Variants in PDXDC1 observed in about 807,000 individuals in gnomAD.
PDXDC1 encodes the protein pyridoxal dependent decarboxylase domain containing 1.
PDXDC1 carries 42 observed loss-of-function variants against 100.1 expected under a neutral mutation model. That is an observed-to-expected ratio of 0.42 (90% confidence interval 0.33 to 0.54). The LOEUF (loss-of-function observed/expected upper bound fraction) is 0.54. PDXDC1 is among the 20% of genes least tolerant of loss of function. The pLI is 0.10. For synonymous variants in PDXDC1, 260 were observed against 371.7 expected (o/e 0.70, Z 3.46); for missense variants, 636 against 979.2 (o/e 0.65, Z 4.68).
intron 16 of PDXDC1, chr16:15,044,474 G>T: frequency 9.8e-7 from 1 of 1,022,158 alleles, no homozygotes; most frequent in Non-Finnish European, 1.5e-6. Flanking sequence ...GTCTCACTTT[G>T]AACTTTCATT....
In PDXDC1 at chr16:15,021,087, A is replaced by G. The variant is rs530909030; in HGVS notation, c.1090-1617A>G. Among the ~76,000 whole-genome samples the G allele has an allele frequency of 1.6e-4, 25 of 151,698 alleles. No homozygotes were observed. In the South Asian group the frequency reaches 5.2e-3, roughly 32 times the overall value. On this transcript the variant is annotated intron_variant, in intron 12 of 22. Transcript: ENST00000396410. ...TTAGGATAGTTCAACAGTTTTAAGT[A>G]TGCTCTGGGCTGGGTGCAGTGGCTC...
At chr16:14,982,006 T>C (rs1968108218) in intron 1 of PDXDC1, among the ~76,000 whole-genome samples, 1 of 152,274 alleles carries the variant, frequency 6.6e-6, no homozygotes. Flanking sequence ...TTTTTTGTAT[T>C]TTTAGTAGAG....
At chr16:14,977,906 C>G (rs1967058687) in intron 1 of PDXDC1, among the ~76,000 whole-genome samples, 1 of 152,254 alleles carries the variant, frequency 6.6e-6, no homozygotes. Flanking sequence ...TGATGCTCAC[C>G]CTCTAAAATT....
At chr16:15,014,814 T>A (rs1163993100) in intron 8 of PDXDC1, among the ~76,000 whole-genome samples, 2 of 152,288 alleles carry the variant, frequency 1.3e-5, no homozygotes, top group Non-Finnish European at 2.9e-5. Flanking sequence ...CCCAGCAAAA[T>A]CTGTAGTGCA....
chr16:15,011,767 G>A (rs1471278639), intron 8 of PDXDC1, among the ~76,000 whole-genome samples: 17 of 152,194 alleles, frequency 1.1e-4, no homozygotes, highest in East Asian at 7.7e-4. Flanking sequence ...AGGTTCAAGC[G>A]ATTCGCCTGC....
chr16:14,998,370 C>T lies in PDXDC1; in HGVS notation c.126C>T (p.Leu42=), dbSNP rs142573123. 1.8e-4 allele frequency: 296 copies of T among 1,613,198 alleles called. No individual in the cohort carries two copies. The African/African-American group carries it at 3.2e-3, about 18-fold the overall frequency. The change falls in exon 3 of 23, where the codon CTC becomes CTT. Residue 42 remains leucine (L), a synonymous_variant. Coordinates refer to ENST00000396410, the MANE Select transcript of PDXDC1 (RefSeq NM_015027.4). The part of the protein sequence containing the change: ...RRTEEENGKK[L]ISGDIPGPLQ... Reference sequence around the variant, plus strand: ...CAGAAGAGGAAAATGGAAAGAAGCTCATATCCGGAGATATTCCAGGCCCAC... The same window carrying T: ...CAGAAGAGGAAAATGGAAAGAAGCTTATATCCGGAGATATTCCAGGCCCAC...
intron 13 of PDXDC1, among the ~76,000 whole-genome samples, chr16:15,024,814 C>T (rs918717635): frequency 2.0e-5 from 3 of 152,294 alleles, no homozygotes; most frequent in Admixed American, 6.5e-5. Flanking sequence ...AAGATCATCT[C>T]CCACCGTCAG....
At chr16:15,123,882 G>A (rs1295494289) in intron 16 of PDXDC1, among the ~76,000 whole-genome samples, 1 of 143,106 alleles carries the variant, frequency 7.0e-6, no homozygotes, top group Non-Finnish European at 1.5e-5. Flanking sequence ...TCTGGCCTGG[G>A]AATTCCTCTT....
chr16:15,044,408 CT>C, intron 16 of PDXDC1: 1 of 1,611,614 alleles, frequency 6.2e-7, no homozygotes, highest in East Asian at 2.2e-5. Context: ...TACTTCCAGC[CT>C]GGCAAAGAGA....
intron 16 of PDXDC1, chr16:15,061,503 A>G (rs1020825098): frequency 2.5e-6 from 1 of 403,174 alleles, no homozygotes; most frequent in Non-Finnish European, 4.4e-6. Flanking sequence ...CAAATGTATC[A>G]TCAACCCCAC....
intron 18 of PDXDC1, 71 bp downstream of exon 18, chr16:15,033,050 G>A (rs1421533385): frequency 9.2e-7 from 1 of 1,081,268 alleles, no homozygotes; most frequent in South Asian, 1.3e-5. Flanking sequence ...GAAGACGACG[G>A]CTCATCCCTT....
In PDXDC1 at chr16:14,993,344, C is replaced by CATGT. The variant is rs560232888; in HGVS notation, c.22-4406_22-4403dup. Among the ~76,000 whole-genome samples the CATGT allele has an allele frequency of 6.1e-5, 9 of 147,444 alleles. No homozygotes were observed. The South Asian group carries it at 2.0e-3, about 32-fold the overall frequency. On this transcript the variant is annotated intron_variant, in intron 1 of 22. Coordinates refer to ENST00000396410, the MANE Select transcript of PDXDC1 (RefSeq NM_015027.4). Reference sequence around the variant, plus strand: ...TGTATGATGTTCCCCTTCCTGTGTCCATGTATTCTCATTGTTCATTTCCCA... The same window carrying CATGT: ...TGTATGATGTTCCCCTTCCTGTGTCCATGTATGTATTCTCATTGTTCATTTCCCA...
intron 1 of PDXDC1, among the ~76,000 whole-genome samples, chr16:14,991,288 TGTGTGTGTGTGTG>T (rs1970750681): frequency 6.7e-6 from 1 of 148,976 alleles, no homozygotes; most frequent in Non-Finnish European, 1.5e-5. Flanking sequence ...TGTGTGTGTG[TGTGTGTGTGTGTG>T]TGTGTATTTG....
At chr16:14,983,645 A>T (rs1329809139) in intron 1 of PDXDC1, among the ~76,000 whole-genome samples, 6 of 149,494 alleles carry the variant, frequency 4.0e-5, no homozygotes, top group Admixed American at 4.0e-4. Flanking sequence ...AACAGCAGTT[A>T]TTCATGTCAG....
chr16:15,145,990 G>A, the PDXDC1 span, among the ~76,000 whole-genome samples: 3 of 152,220 alleles, frequency 2.0e-5, no homozygotes, highest in African/African-American at 7.2e-5. Flanking sequence ...TCTCCCCCAC[G>A]AGCAGGGGGA....
intron 2 of PDXDC1, among the ~76,000 whole-genome samples, 198 bp downstream of exon 2, chr16:14,998,024 C>G (rs1188414284): frequency 6.6e-6 from 1 of 152,276 alleles, no homozygotes; most frequent in Non-Finnish European, 1.5e-5. Context: ...AAGACTTATA[C>G]TATTTAATTC....
Position 15,037,664 on chromosome 16 carries a change from C to G in PDXDC1, c.*1389C>G, listed in dbSNP as rs1719608014. 1 of 169,774 alleles carries G rather than the reference C, an allele frequency of 5.9e-6. No individual in the cohort carries two copies. The highest frequency in any genetic ancestry group is 2.4e-5 in the African/African-American group (1 of 42,100). 10.5% of individuals were successfully genotyped at this position (169,774 alleles called of 1,614,324 possible). Reference sequence around the variant, plus strand: ...TGAGATATTATTTGAATGTTGGTTTCAATAAAGGTTCTTGAAATTGTTACC... The same window carrying G: ...TGAGATATTATTTGAATGTTGGTTTGAATAAAGGTTCTTGAAATTGTTACC... On this transcript the variant is annotated 3_prime_UTR_variant, in exon 23 of 23. Coordinates refer to ENST00000396410, the MANE Select transcript of PDXDC1 (RefSeq NM_015027.4).
chr16:15,034,425 A>G (rs1427414105), intron 20 of PDXDC1, 32 bp from the exon 21 acceptor site: 5 of 1,613,356 alleles, frequency 3.1e-6, no homozygotes, highest in Non-Finnish European at 4.2e-6. Flanking sequence ...CCGTGAGGCC[A>G]GGTGGCCCTG....
intron 18 of PDXDC1, 67 bp downstream of exon 18, chr16:15,033,046 G>T: frequency 9.1e-7 from 1 of 1,100,826 alleles, no homozygotes; most frequent in South Asian, 1.3e-5. Context: ...CTTTGAAGAC[G>T]ACGGCTCATC....
Sources: gnomAD v4.1 joint callset for allele counts (sites outside exome capture counted in the v4.1 genomes callset) on GRCh38, gnomAD v4.1.1 for gene constraint, MANE v1.5 for transcripts, NCBI Gene and HGNC (gene_info 2026-07-23, HGNC 2026-07-21) for gene names.